CCDC33: variants seen among roughly 807,000 people sequenced by gnomAD.
CCDC33 encodes coiled-coil domain-containing protein 33.
A neutral mutation model predicts 91.9 loss-of-function variants in CCDC33; 94 were observed. The observed-to-expected ratio is 1.02, with a 90% CI of 0.87 to 1.21. The LOEUF (loss-of-function observed/expected upper bound fraction) is 1.21, where lower values mean the gene tolerates loss of function less well. CCDC33 is among the 50% of genes most tolerant of loss of function. The pLI is 0.00. For synonymous variants in CCDC33, 396 were observed against 374.5 expected (o/e 1.06, Z -0.66); for missense variants, 940 against 935.5 (o/e 1.00, Z -0.06).
upstream of CCDC33, among the ~76,000 whole-genome samples, chr15:74,233,999 A>G (rs545183338): frequency 5.9e-5 from 9 of 152,278 alleles, no homozygotes; most frequent in African/African-American, 2.2e-4. Context: ...GTCTCATTGC[A>G]TGGGTAGTTT....
chr15:74,247,392 ACACACG>A (rs920677661), intron 2 of CCDC33, among the ~76,000 whole-genome samples: 1 of 136,218 alleles, frequency 7.3e-6, no homozygotes, highest in African/African-American at 2.5e-5. Context: ...ACACACACAC[ACACACG>A]TCATATACAT....
At chr15:74,213,857 T>G (rs147759324), upstream of CCDC33, among the ~76,000 whole-genome samples, 139 of 152,310 alleles carry the variant, frequency 9.1e-4, no homozygotes, top group African/African-American at 3.0e-3. Flanking sequence ...GGAGCAGTGA[T>G]GATCGCATGA....
intron 2 of CCDC33, among the ~76,000 whole-genome samples, chr15:74,246,516 G>T (rs190708615): frequency 2.6e-5 from 4 of 152,096 alleles, no homozygotes; most frequent in Non-Finnish European, 4.4e-5. Flanking sequence ...AAAAAGACCC[G>T]AATAGACATT....
exon 1 of CCDC33, chr15:74,203,078 C>T: frequency 4.1e-6 from 4 of 985,630 alleles, no homozygotes; most frequent in Non-Finnish European, 4.8e-6. Context: ...GACAGGAGAC[C>T]AGCATTACAG....
At chr15:74,281,091 C>T (rs765098591) in intron 9 of CCDC33, among the ~76,000 whole-genome samples, 1 of 152,244 alleles carries the variant, frequency 6.6e-6, no homozygotes, top group Non-Finnish European at 1.5e-5. Flanking sequence ...TTCAGGCTTT[C>T]AGCCAGCCAG....
At chr15:74,296,673 C>T (rs569378350) in intron 11 of CCDC33, among the ~76,000 whole-genome samples, 23 of 152,174 alleles carry the variant, frequency 1.5e-4, no homozygotes, top group Non-Finnish European at 3.4e-4. Context: ...ATTCTGGTGA[C>T]ATAGTCTGTG....
rs187498030 is a variant in CCDC33 at position 74,243,231 on chromosome 15, C to T, written c.22-754C>T. Among the ~76,000 whole-genome samples, 10 of 152,364 alleles carry T rather than the reference C, an allele frequency of 6.6e-5. No individual in the cohort carries two copies. The East Asian group carries it at 1.4e-3, about 21-fold the overall frequency. On this transcript the variant is annotated intron_variant, in intron 1 of 18. Transcript: ENST00000398814. ...CATGCATTCACCTCCACGTAATGCA[C>T]TGAATGCCCCCATGAACGTGGAGAA...
At chr15:74,241,186 G>C (rs544699719) in intron 1 of CCDC33, among the ~76,000 whole-genome samples, 6 of 152,300 alleles carry the variant, frequency 3.9e-5, no homozygotes, top group African/African-American at 7.2e-5. Context: ...AGGCCCTGCT[G>C]GGTCCTGGAA....
chr15:74,242,322 G>A (rs58029965), intron 1 of CCDC33, among the ~76,000 whole-genome samples: 3 of 152,190 alleles, frequency 2.0e-5, no homozygotes, highest in South Asian at 2.1e-4. Flanking sequence ...CTCAGGAGCC[G>A]GCCATTCTGA....
In CCDC33 at chr15:74,262,432, C is replaced by G. The variant is rs201488120; in HGVS notation, c.186-8C>G. 2 of 1,613,816 alleles carry G rather than the reference C, an allele frequency of 1.2e-6. No individual in the cohort carries two copies. The stretch of plus-strand genomic sequence containing the variant: ...CCCTTTGACTCACCCTGCCCCTGCT[C>G]TCCCCAGGAAAAGCACATCTGAGGA... On this transcript the variant is annotated splice_region_variant and splice_polypyrimidine_tract_variant and intron_variant, in intron 2 of 18. Coordinates refer to ENST00000398814, the MANE Select transcript of CCDC33 (RefSeq NM_025055.5).
At chr15:74,224,314 C>CGTTG (rs2074715171) in intron 2 of CCDC33, among the ~76,000 whole-genome samples, 1 of 152,198 alleles carries the variant, frequency 6.6e-6, no homozygotes. Context: ...CCTCTGGGTG[C>CGTTG]GTTGAAACAC....
In CCDC33 at chr15:74,271,763, G is replaced by T; in HGVS notation, c.607G>T (p.Ala203Ser). 2 of 1,613,898 alleles carry T rather than the reference G, an allele frequency of 1.2e-6. No homozygotes were observed. The highest frequency in any genetic ancestry group is 2.2e-5 in the South Asian group (2 of 91,064). ...CAACCCCAACCCCATAGTGGTGATT[G>T]CCCGGGTCGTTCCCAACTACAAGGA... ...ANNPNPIVVI[A>S]RVVPNYKEFK... is the part of the protein sequence containing the mutation. Residue 203 changes from alanine (A) to serine (S), a missense_variant, in exon 6 of 19, where the codon GCC becomes TCC. Physicochemically the swap from Ala to Ser is moderately conservative, Grantham distance 99. Transcript: ENST00000398814.
chr15:74,208,753 G>A (rs1044628137), intron 1 of CCDC33: 29 of 988,222 alleles, frequency 2.9e-5, no homozygotes, highest in Admixed American at 6.1e-5. Flanking sequence ...GCTGTTCCCC[G>A]ACCTGTTCCA....
chr15:74,218,913 C>A lies in CCDC33; in HGVS notation c.675+52C>A, dbSNP rs2074517262. On this transcript the variant is annotated intron_variant, in intron 2 of 2. Transcript: ENST00000635913. The surrounding 1 kb of genome is among the most constrained non-coding windows in gnomAD (Gnocchi z 4.8). Reference sequence around the variant, plus strand: ...GGTTCTGGGCTCACCGGGTACAAGACCCAGCCTCCGTGATAAGCCAGGCTA... The same window carrying A: ...GGTTCTGGGCTCACCGGGTACAAGAACCAGCCTCCGTGATAAGCCAGGCTA... The A allele has an allele frequency of 1.7e-6, 2 of 1,194,556 alleles. No homozygotes were observed. Among genetic ancestry groups the A allele is most frequent in the South Asian group, 1.5e-5 (1 of 65,336 alleles). 74.0% of individuals were successfully genotyped at this position (1,194,556 alleles called of 1,614,324 possible). A position where few individuals can be genotyped will look rare whatever the true frequency, so the allele number is the denominator to read the frequency against.
chr15:74,225,270 A>G (rs1328493331), intron 2 of CCDC33, among the ~76,000 whole-genome samples: 1 of 151,992 alleles, frequency 6.6e-6, no homozygotes, highest in Non-Finnish European at 1.5e-5. Context: ...GGGAAGGGAA[A>G]TGTGGTGGCC....
At chr15:74,229,486 C>T (rs983075935) in intron 2 of CCDC33, among the ~76,000 whole-genome samples, 3 of 151,904 alleles carry the variant, frequency 2.0e-5, no homozygotes, top group African/African-American at 4.8e-5. Context: ...ATTGAGACAC[C>T]GTCTCAAAAA....
chr15:74,245,507 C>T (rs2075495497), intron 2 of CCDC33, among the ~76,000 whole-genome samples: 1 of 152,218 alleles, frequency 6.6e-6, no homozygotes, highest in African/African-American at 2.4e-5. Context: ...TTTCCATAAA[C>T]CAATTATCGC....
At chr15:74,230,032 G>GATA (rs1342502125) in intron 2 of CCDC33, among the ~76,000 whole-genome samples, 4 of 152,232 alleles carry the variant, frequency 2.6e-5, no homozygotes, top group Non-Finnish European at 4.4e-5. Flanking sequence ...GGGGAAGAGG[G>GATA]ATGGCCCAGG....
At chr15:74,319,030 T>C (rs1218688267) in intron 11 of CCDC33, among the ~76,000 whole-genome samples, 1 of 152,168 alleles carries the variant, frequency 6.6e-6, no homozygotes, top group Non-Finnish European at 1.5e-5. Context: ...TGGGAAGGCT[T>C]GCTGGTAGTG....
Sources: gnomAD v4.1 joint callset for allele counts (sites outside exome capture counted in the v4.1 genomes callset) on GRCh38, gnomAD v4.1.1 for gene constraint, Gnocchi (gnomAD v3.1) non-coding constraint, MANE v1.5 for transcripts, NCBI Gene and HGNC (gene_info 2026-07-23, HGNC 2026-07-21) for gene names.